The following ROBO2 variants were observed in gnomAD, a reference collection of about 807,000 sequenced individuals.
ROBO2 encodes the protein roundabout guidance receptor 2, also known as roundabout homolog 2.
A neutral mutation model predicts 160.8 loss-of-function variants in ROBO2; 53 were observed. The observed-to-expected ratio is 0.33, with a 90% CI of 0.26 to 0.41. The LOEUF (loss-of-function observed/expected upper bound fraction) is 0.41. Ranked by LOEUF, ROBO2 falls within the 10% of genes least tolerant of loss-of-function variation. ROBO2 has a pLI of 1.00. For synonymous variants in ROBO2, 664 were observed against 611.7 expected, an observed-to-expected ratio of 1.09 and a Z score of -1.26; for missense variants, 1,577 against 1,722.4, an observed-to-expected ratio of 0.92 and a Z score of 1.49.
intron 2 of ROBO2, among the ~76,000 whole-genome samples, chr3:76,176,909 C>T (rs574839000): frequency 1.3e-4 from 20 of 151,958 alleles, no homozygotes; most frequent in Non-Finnish European, 1.9e-4. Flanking sequence ...TAAAACTATA[C>T]AACTACTAAA....
At chr3:76,420,499 A>G (rs2108918615) in intron 2 of ROBO2, among the ~76,000 whole-genome samples, 1 of 152,348 alleles carries the variant, frequency 6.6e-6, no homozygotes, top group East Asian at 1.9e-4. Context: ...AGATATAAGC[A>G]ACGTTTTTGA....
intron 2 of ROBO2, among the ~76,000 whole-genome samples, chr3:76,301,481 T>C (rs192291867): frequency 2.0e-5 from 3 of 152,200 alleles, no homozygotes; most frequent in Admixed American, 6.5e-5. Context: ...GTGTTTTTTA[T>C]ACTAAGTGAT....
intron 2 of ROBO2, among the ~76,000 whole-genome samples, chr3:76,209,278 AT>A (rs776869264): frequency 7.9e-5 from 12 of 152,182 alleles, no homozygotes; most frequent in Admixed American, 5.2e-4. Context: ...ATGGCACTTT[AT>A]TTCTCCTTTG....
chr3:76,668,953 A>G (rs1424767628), intron 2 of ROBO2, among the ~76,000 whole-genome samples: 1 of 152,140 alleles, frequency 6.6e-6, no homozygotes, highest in Non-Finnish European at 1.5e-5. Flanking sequence ...CTGCCATGAA[A>G]AATAGAACAT....
intron 2 of ROBO2, among the ~76,000 whole-genome samples, chr3:77,215,994 G>A (rs1180284111): frequency 1.3e-5 from 2 of 152,130 alleles, no homozygotes; most frequent in Non-Finnish European, 2.9e-5. Flanking sequence ...GCCACTACTG[G>A]GGGGTGCCTC....
intron 2 of ROBO2, among the ~76,000 whole-genome samples, chr3:77,450,567 T>C (rs2081013228): frequency 2.0e-5 from 3 of 152,112 alleles, no homozygotes; most frequent in African/African-American, 7.2e-5. Flanking sequence ...ACTGGTATAT[T>C]TAATAAATTT....
At chr3:77,427,931 C>G (rs552490577) in intron 2 of ROBO2, among the ~76,000 whole-genome samples, 18 of 152,200 alleles carry the variant, frequency 1.2e-4, no homozygotes, top group Non-Finnish European at 2.6e-4. Context: ...CGTTTTTAAC[C>G]TTACAGGCAA....
At chr3:76,852,808 C>G (rs1279983995) in intron 2 of ROBO2, among the ~76,000 whole-genome samples, 3 of 152,024 alleles carry the variant, frequency 2.0e-5, no homozygotes, top group Admixed American at 6.6e-5. Flanking sequence ...TGCCTATTTG[C>G]TTGGCAGTTG....
chr3:76,436,656 G>A (rs1276608277), intron 2 of ROBO2, among the ~76,000 whole-genome samples: 2 of 151,742 alleles, frequency 1.3e-5, no homozygotes, highest in South Asian at 2.1e-4. Flanking sequence ...ACAGAAAATA[G>A]AATAAAGTTA....
At chr3:77,106,831 T>A (rs561406725) in intron 2 of ROBO2, among the ~76,000 whole-genome samples, 9 of 152,340 alleles carry the variant, frequency 5.9e-5, no homozygotes, top group Middle Eastern at 3.4e-3. Flanking sequence ...CAATTAGATA[T>A]TCATCCACTT....
chr3:76,021,649 A>G (rs1305315913), intron 2 of ROBO2, among the ~76,000 whole-genome samples: 1 of 151,876 alleles, frequency 6.6e-6, no homozygotes, highest in Non-Finnish European at 1.5e-5. Flanking sequence ...ACATTACAAT[A>G]TAACCAGCTG....
chr3:76,955,762 C>G (rs2079205123), intron 2 of ROBO2, among the ~76,000 whole-genome samples: 2 of 151,712 alleles, frequency 1.3e-5, no homozygotes, highest in African/African-American at 4.8e-5. Flanking sequence ...TTAGAAAATA[C>G]ACTAACTTCA....
At chr3:76,003,998 T>TC (rs1340647908) in intron 2 of ROBO2, among the ~76,000 whole-genome samples, 1 of 152,212 alleles carries the variant, frequency 6.6e-6, no homozygotes, top group African/African-American at 2.4e-5. Context: ...TAGGGAAGTT[T>TC]CTTTTAAATT....
intron 2 of ROBO2, among the ~76,000 whole-genome samples, chr3:77,401,567 A>G (rs1282474865): frequency 1.3e-5 from 2 of 151,828 alleles, no homozygotes; most frequent in African/African-American, 4.8e-5. Context: ...TATGCACTTG[A>G]AAACTTGGTG....
intron 2 of ROBO2, among the ~76,000 whole-genome samples, chr3:76,301,077 T>C (rs1495573): frequency 0.098 from 14,901 of 152,102 alleles, 1,450 homozygotes; most frequent in East Asian, 0.41. Context: ...TTGTGTTTAA[T>C]GATGAATAAA....
intron 7 of ROBO2, among the ~76,000 whole-genome samples, chr3:77,550,559 A>T (rs1049659159): frequency 6.6e-6 from 1 of 152,026 alleles, no homozygotes; most frequent in Non-Finnish European, 1.5e-5. Flanking sequence ...TGAGATAAAG[A>T]TCCCCATTCT....
At chr3:77,309,827 T>C (rs748660124) in intron 2 of ROBO2, among the ~76,000 whole-genome samples, 2 of 152,188 alleles carry the variant, frequency 1.3e-5, no homozygotes, top group Admixed American at 1.3e-4. Flanking sequence ...GAAGGGTCCA[T>C]AGAGAGATAA....
At chr3:77,233,631 C>T (rs534402774) in intron 2 of ROBO2, among the ~76,000 whole-genome samples, 23 of 152,120 alleles carry the variant, frequency 1.5e-4, no homozygotes, top group Admixed American at 1.4e-3. Context: ...ATCAGTATCC[C>T]ATGTTAACTG....
chr3:76,341,730 T>C (rs942575027), intron 2 of ROBO2, among the ~76,000 whole-genome samples: 4 of 152,136 alleles, frequency 2.6e-5, no homozygotes, highest in Non-Finnish European at 5.9e-5. Flanking sequence ...AACATAGTTG[T>C]GTTGGATGCT....
Sources: allele counts gnomAD v4.1 joint callset (sites outside exome capture counted in the v4.1 genomes callset), GRCh38; gene constraint gnomAD v4.1.1; transcripts MANE v1.5; gene names NCBI Gene and HGNC (gene_info 2026-07-23, HGNC 2026-07-21).